Variants in EDA observed in about 807,000 individuals in gnomAD.
EDA encodes the protein ectodysplasin-A.
A neutral mutation model predicts 23.6 loss-of-function variants in EDA; 2 were observed. The observed-to-expected ratio is 0.08, with a 90% CI of 0.03 to 0.27. The LOEUF (loss-of-function observed/expected upper bound fraction) is 0.27, where lower values mean the gene tolerates loss of function less well. EDA is among the 10% of genes least tolerant of loss of function. The pLI is 1.00. For missense variants in EDA, 229 were observed against 324.2 expected (o/e 0.71, Z 2.26); for synonymous variants, 131 against 132.0 (o/e 0.99, Z 0.05).
At chrX:69,681,371 T>C (rs1448133937) in intron 1 of EDA, among the ~76,000 whole-genome samples, 3 of 110,452 alleles carry the variant, frequency 2.7e-5, no homozygotes, top group African/African-American at 6.6e-5. Context: ...GTTGGCCTGC[T>C]TTGCTAGATT....
intron 1 of EDA, among the ~76,000 whole-genome samples, chrX:69,804,753 C>A (rs377347894): frequency 1.8e-5 from 2 of 111,032 alleles, no homozygotes; most frequent in East Asian, 5.7e-4. Context: ...ACTCTGAATT[C>A]TGTGAAAATA....
intron 1 of EDA, among the ~76,000 whole-genome samples, chrX:69,709,091 C>A (rs1375747267): frequency 8.9e-6 from 1 of 112,008 alleles, no homozygotes; most frequent in Non-Finnish European, 1.9e-5. Flanking sequence ...GTTCACTGGG[C>A]TTTCCATCAG....
chrX:69,722,755 C>T (rs1230276073), intron 1 of EDA, among the ~76,000 whole-genome samples: 2 of 111,278 alleles, frequency 1.8e-5, no homozygotes, highest in African/African-American at 3.3e-5. Flanking sequence ...ATTTGAATCT[C>T]ACCTCTGCCT....
At chrX:69,888,292 A>T (rs752549434) in intron 1 of EDA, among the ~76,000 whole-genome samples, 2 of 111,034 alleles carry the variant, frequency 1.8e-5, no homozygotes, top group Non-Finnish European at 3.8e-5. Flanking sequence ...ACCTATAGTA[A>T]ATACACAAAA....
intron 1 of EDA, among the ~76,000 whole-genome samples, chrX:69,915,299 T>C (rs1340592887): frequency 9.0e-6 from 1 of 111,398 alleles, no homozygotes; most frequent in African/African-American, 3.3e-5. Context: ...CTGTGTGGTA[T>C]TGTGAATTAA....
At chrX:69,900,721 G>A (rs749172894) in intron 1 of EDA, among the ~76,000 whole-genome samples, 1 of 111,084 alleles carries the variant, frequency 9.0e-6, no homozygotes, top group South Asian at 3.8e-4. Context: ...GTTCTTGGTA[G>A]GAATGTGTTT....
At chrX:69,677,410 T>A (rs1184425030) in intron 1 of EDA, among the ~76,000 whole-genome samples, 4 of 111,696 alleles carry the variant, frequency 3.6e-5, no homozygotes, top group Non-Finnish European at 7.5e-5. Flanking sequence ...CCACACTGAC[T>A]TCCACAATGG....
At chrX:69,841,792 A>AT (rs2016900465) in intron 1 of EDA, among the ~76,000 whole-genome samples, 1 of 112,566 alleles carries the variant, frequency 8.9e-6, no homozygotes, top group Non-Finnish European at 1.9e-5. Flanking sequence ...AAAGCAAGGA[A>AT]TTTGTGACAA....
At chrX:69,661,092 G>A (rs1332547112) in intron 1 of EDA, among the ~76,000 whole-genome samples, 3 of 110,163 alleles carry the variant, frequency 2.7e-5, no homozygotes, top group Non-Finnish European at 5.7e-5. Flanking sequence ...TTCTCTGATG[G>A]CCAGTGATGA....
At chrX:69,897,355 G>A (rs1223386619) in intron 1 of EDA, among the ~76,000 whole-genome samples, 1 of 111,706 alleles carries the variant, frequency 9.0e-6, no homozygotes, top group Non-Finnish European at 1.9e-5. Context: ...GAATATAAAT[G>A]TACCTTTCCT....
At chrX:69,861,732 G>T (rs1315942482) in intron 1 of EDA, among the ~76,000 whole-genome samples, 1 of 111,808 alleles carries the variant, frequency 8.9e-6, no homozygotes, top group Non-Finnish European at 1.9e-5. Flanking sequence ...ATTACTATCA[G>T]ACAAAATAGA....
At position 69,888,978 on chromosome X, in the gene EDA, T is replaced by TAGATATATATATATATATATATATA. The variant is rs1556026049; in HGVS notation, c.397-68049_397-68048insAGATATATATATATATATATATATA. Among the ~76,000 whole-genome samples the TAGATATATATATATATATATATATA allele has an allele frequency of 8.7e-4, 14 of 16,013 alleles. 1 individual carries two copies. The highest frequency in any genetic ancestry group is 6.5e-3 in the East Asian group (2 of 307). The allele number at this position is 16,013 out of a possible 115,157, so 13.9% of individuals were successfully genotyped here. ...GTGGAATTGTTGTATTGTGGGGTAG[T>TAGATATATATATATATATATATATA]TATATATATATATATATATATATAT... On this transcript the variant is annotated intron_variant, in intron 1 of 7. Transcript: ENST00000374552.
intron 2 of EDA, among the ~76,000 whole-genome samples, chrX:69,976,065 TA>T (rs1264028295): frequency 4.5e-5 from 5 of 111,487 alleles, no homozygotes; most frequent in South Asian, 7.6e-4. Flanking sequence ...AATTCTAATT[TA>T]TTTTTTTTCA....
At chrX:69,683,308 A>G (rs1431478861) in intron 1 of EDA, among the ~76,000 whole-genome samples, 1 of 111,207 alleles carries the variant, frequency 9.0e-6, no homozygotes, top group Non-Finnish European at 1.9e-5. Context: ...ATTGCCTACA[A>G]CAGTGCCTGG....
At chrX:69,718,225 A>G (rs2012423850) in intron 1 of EDA, among the ~76,000 whole-genome samples, 1 of 112,101 alleles carries the variant, frequency 8.9e-6, no homozygotes, top group Admixed American at 9.5e-5. Flanking sequence ...GGGATCTTCA[A>G]CGTAGACATA....
At chrX:69,658,757 G>C (rs767865605) in intron 1 of EDA, among the ~76,000 whole-genome samples, 1 of 111,418 alleles carries the variant, frequency 9.0e-6, no homozygotes, top group Admixed American at 9.6e-5. Context: ...TTCTTCTTTA[G>C]AGCAAATAAC....
chrX:69,814,440 C>T (rs2016031243), intron 1 of EDA, among the ~76,000 whole-genome samples: 1 of 113,131 alleles, frequency 8.8e-6, no homozygotes, highest in African/African-American at 3.2e-5. Flanking sequence ...TTTCCTCTTA[C>T]TTATTTGTAC....
intron 1 of EDA, among the ~76,000 whole-genome samples, chrX:69,676,566 A>G (rs1218263641): frequency 9.1e-6 from 1 of 110,159 alleles, no homozygotes; most frequent in Non-Finnish European, 1.9e-5. Flanking sequence ...GACTCTCAAT[A>G]TATATTTTAT....
intron 1 of EDA, among the ~76,000 whole-genome samples, chrX:69,660,683 A>G (rs1933464292): frequency 9.0e-6 from 1 of 111,218 alleles, no homozygotes; most frequent in African/African-American, 3.3e-5. Context: ...ATCCTTTTTT[A>G]TGGCTGCATA....
Sources: allele counts gnomAD v4.1 joint callset (sites outside exome capture counted in the v4.1 genomes callset), GRCh38; gene constraint gnomAD v4.1.1; transcripts MANE v1.5; gene names NCBI Gene and HGNC (gene_info 2026-07-23, HGNC 2026-07-21).